LLGL2: variants seen among roughly 807,000 people sequenced by gnomAD.
The protein encoded by LLGL2 is LLGL scribble cell polarity complex component 2, also known as LLGL2, scribble cell polarity complex component.
In LLGL2, 81 loss-of-function variants were observed where a neutral mutation model predicts 123.2. The ratio of observed to expected loss-of-function variants is 0.66; its 90% CI spans 0.55 to 0.79. The LOEUF is 0.79. Among genes scored for constraint, LLGL2 ranks in the 30% least tolerant of loss-of-function variants. The pLI is 0.00. For synonymous variants in LLGL2, 577 were observed against 594.1 expected (o/e 0.97, Z 0.42); for missense variants, 1,273 against 1,414.6 (o/e 0.90, Z 1.61).
intron 2 of LLGL2, among the ~76,000 whole-genome samples, chr17:75,550,172 T>C (rs1225450603): frequency 1.3e-5 from 2 of 152,194 alleles, no homozygotes; most frequent in East Asian, 3.9e-4. Context: ...GGTCTTGGAA[T>C]TCCTTGACCA....
intron 9 of LLGL2, 58 bp downstream of exon 9, chr17:75,563,864 G>T (rs1369041939): frequency 1.3e-6 from 2 of 1,553,686 alleles, no homozygotes; most frequent in Non-Finnish European, 1.8e-6. Context: ...GGCTAGAAAG[G>T]TCACTTAGGC....
At chr17:75,565,745 G>A (rs1413288157) in intron 10 of LLGL2, among the ~76,000 whole-genome samples, 1 of 152,224 alleles carries the variant, frequency 6.6e-6, no homozygotes, top group Non-Finnish European at 1.5e-5. Flanking sequence ...CCGCAGGCCA[G>A]GAGGTGGGTG....
chr17:75,564,879 A>AGG lies in LLGL2; in HGVS notation c.1036+374_1036+375dup, dbSNP rs1555659209. On this transcript the variant is annotated intron_variant, in intron 10 of 25. Coordinates refer to ENST00000392550, the MANE Select transcript of LLGL2 (RefSeq NM_001031803.2). The surrounding 1 kb of genome is among the most constrained non-coding windows in gnomAD (Gnocchi z 4.9). ...CTGTGTCTCAAAAAAAAAAAAAAAA[A>AGG]GGGCTCTGCACAGATGTTCCTAAGC... is the stretch of plus-strand genomic sequence containing the variant. Among the ~76,000 whole-genome samples, 1 of 148,340 alleles carries AGG rather than the reference A, an allele frequency of 6.7e-6. No homozygotes were observed. Among genetic ancestry groups the AGG allele is most frequent in the Non-Finnish European group, 1.5e-5 (1 of 67,094 alleles).
chr17:75,543,819 G>A (rs1310836497), intron 2 of LLGL2, among the ~76,000 whole-genome samples: 2 of 152,204 alleles, frequency 1.3e-5, no homozygotes, highest in South Asian at 2.1e-4. Flanking sequence ...TGTCTACCTC[G>A]GCACAGGGTT....
Position 75,559,244 on chromosome 17 carries a change from T to C in LLGL2, c.372-8T>C. On this transcript the variant is annotated splice_polypyrimidine_tract_variant and splice_region_variant and intron_variant, in intron 5 of 25. Transcript: ENST00000392550. The surrounding 1 kb of genome is among the most constrained non-coding windows in gnomAD (Gnocchi z 4.6). The stretch of plus-strand genomic sequence containing the variant: ...TGGTCGGCTCACGGGCAGCTGTTCT[T>C]GTCACAGGGCTGCCCCCAGTGCCAC... 2.5e-6 allele frequency: 4 copies of C among 1,590,354 alleles called. No homozygotes were observed. Among genetic ancestry groups the C allele is most frequent in the Non-Finnish European group, 3.4e-6 (4 of 1,168,654 alleles).
At chr17:75,535,791 C>A (rs1302622147) in intron 1 of LLGL2, among the ~76,000 whole-genome samples, 1 of 152,182 alleles carries the variant, frequency 6.6e-6, no homozygotes, top group Non-Finnish European at 1.5e-5. Flanking sequence ...GATTTTGTGG[C>A]CTGTCACCAA....
Position 75,574,863 on chromosome 17 carries a change from T to C in LLGL2, c.3056-8T>C. On this transcript the variant is annotated splice_region_variant and splice_polypyrimidine_tract_variant and intron_variant, in intron 25 of 25. Coordinates refer to ENST00000392550, the MANE Select transcript of LLGL2 (RefSeq NM_001031803.2). ...GGTGATCTTGAGCTGTCCCTCTGTGTCCTTCAGCAGAGTGAGTGGCTGAGC... is the reference window on the plus strand; with the variant it reads ...GGTGATCTTGAGCTGTCCCTCTGTGCCCTTCAGCAGAGTGAGTGGCTGAGC... 6.2e-7 allele frequency: 1 copy of C among 1,614,028 alleles called. No individual in the cohort carries two copies. The highest frequency in any genetic ancestry group is 8.5e-7 in the Non-Finnish European group (1 of 1,179,942).
rs1247821190 is a variant in LLGL2 at position 75,556,068 on chromosome 17, A to T, written c.98A>T (p.His33Leu). The T allele has an allele frequency of 6.2e-7, 1 of 1,609,188 alleles. No individual in the cohort carries two copies. The highest frequency in any genetic ancestry group is 1.7e-5 in the Admixed American group (1 of 60,002). ...FNKTVEHGFP[H>L]QPSALGYSPS... ...CAGACGGTGGAGCATGGCTTCCCGC[A>T]CCAGCCCAGCGCCCTCGGCTACAGC... The change falls in exon 3 of 26, where the codon CAC becomes CTC. Residue 33 changes from histidine to leucine, a missense_variant. Transcript: ENST00000392550.
At chr17:75,569,384 C>A in intron 14 of LLGL2, 59 bp downstream of exon 14, 1 of 1,401,156 alleles carries the variant, frequency 7.1e-7, no homozygotes, top group Non-Finnish European at 1.0e-6. Flanking sequence ...CTGGGGACAG[C>A]AGGGACAGGA....
chr17:75,550,389 C>T (rs2054611645), intron 2 of LLGL2, among the ~76,000 whole-genome samples: 1 of 151,278 alleles, frequency 6.6e-6, no homozygotes. Flanking sequence ...GGAGTCACCA[C>T]CTAAGTGATA....
rs1038680434 is a variant in LLGL2 at position 75,559,178 on chromosome 17, A to T, written c.372-74A>T. 3 of 1,444,388 alleles carry T rather than the reference A, an allele frequency of 2.1e-6. No homozygotes were observed. In the African/African-American group the frequency reaches 4.3e-5, roughly 21 times the overall value. 89.5% of individuals were successfully genotyped at this position (1,444,388 alleles called of 1,614,324 possible). A position where few individuals can be genotyped will look rare whatever the true frequency, so the allele number is the denominator to read the frequency against. On this transcript the variant is annotated intron_variant, in intron 5 of 25. Coordinates refer to ENST00000392550, the MANE Select transcript of LLGL2 (RefSeq NM_001031803.2). The surrounding 1 kb of genome is among the most constrained non-coding windows in gnomAD (Gnocchi z 4.6). The stretch of plus-strand genomic sequence containing the variant: ...GGCCTTATGGGCTTGTTTTCCGAGG[A>T]GTCAGGGGACCCCGTCCATGGCATC...
At position 75,549,821 on chromosome 17, in the gene LLGL2, C is replaced by T. The variant is rs2054586124; in HGVS notation, c.76-6225C>T. ...GCAGGCAGGATGAAGGCCCCACTGT[C>T]TCTGACAGCCAGCCTTTGCCCACTC... On this transcript the variant is annotated intron_variant, in intron 2 of 25. Transcript: ENST00000392550. This position sits in a 1 kb window ranked among gnomAD's most constrained non-coding sequence, Gnocchi z 4.0. Among the ~76,000 whole-genome samples the T allele has an allele frequency of 6.6e-6, 1 of 152,212 alleles. No homozygotes were observed. The highest frequency in any genetic ancestry group is 2.1e-4 in the South Asian group (1 of 4,834).
Position 75,575,006 on chromosome 17 carries a change from A to C in LLGL2, c.*128A>C. 7.5e-7 allele frequency: 1 copy of C among 1,336,430 alleles called. No homozygotes were observed. The highest frequency in any genetic ancestry group is 2.3e-5 in the East Asian group (1 of 43,472). The allele number at this position is 1,336,430 out of a possible 1,614,324, so 82.8% of individuals were successfully genotyped here. ...GGGCTGGGGGCATCCCGGCTTCCAC[A>C]ATGCAGCTGCTCTGGGCCTCGGGAG... On this transcript the variant is annotated 3_prime_UTR_variant, in exon 26 of 26. Coordinates refer to ENST00000392550, the MANE Select transcript of LLGL2 (RefSeq NM_001031803.2).
Position 75,558,980 on chromosome 17 carries a change from C to T in LLGL2, c.372-272C>T. 1 of 545,942 alleles carries T rather than the reference C, an allele frequency of 1.8e-6. No individual in the cohort carries two copies. The highest frequency in any genetic ancestry group is 3.3e-6 in the Non-Finnish European group (1 of 304,624). 33.8% of individuals were successfully genotyped at this position (545,942 alleles called of 1,614,324 possible). The stretch of plus-strand genomic sequence containing the variant: ...ATCCGCACCCCGCCTCCTCCATCCG[C>T]ACCCCGCCTCCTCCATCTGCACCCC... On this transcript the variant is annotated intron_variant, in intron 5 of 25. Transcript: ENST00000392550. This position sits in a 1 kb window ranked among gnomAD's most constrained non-coding sequence, Gnocchi z 4.0.
intron 1 of LLGL2, among the ~76,000 whole-genome samples, chr17:75,537,055 T>A (rs2054029389): frequency 6.6e-6 from 1 of 152,088 alleles, no homozygotes; most frequent in Non-Finnish European, 1.5e-5. Context: ...ACTCCTGACC[T>A]CAAGTGATCC....
At position 75,572,012 on chromosome 17, in the gene LLGL2, C is replaced by T; in HGVS notation, c.2408C>T (p.Pro803Leu). 1.2e-6 allele frequency: 2 copies of T among 1,612,708 alleles called. No individual in the cohort carries two copies. Among genetic ancestry groups the T allele is most frequent in the South Asian group, 2.2e-5 (2 of 91,084 alleles). Residue 803 changes from proline (P) to leucine (L), a missense_variant, in exon 19 of 26, where the codon CCT (proline) becomes CTT (leucine). Transcript: ENST00000392550. ...LEVAHDLSKSPDMQGSHQLLV... is the reference protein window; with the variant it reads ...LEVAHDLSKSLDMQGSHQLLV... The stretch of plus-strand genomic sequence containing the variant: ...GTGGCCCATGATCTGTCGAAGAGCC[C>T]TGACATGCAGGGAAGCCACCAGCTG...
chr17:75,557,965 CTGG>C (rs1568049421), intron 3 of LLGL2, 187 bp from the exon 4 acceptor site: 1 of 704,078 alleles, frequency 1.4e-6, no homozygotes, highest in African/African-American at 1.8e-5. Context: ...GGTCACTGGC[CTGG>C]TGCCCCAGGG....
At chr17:75,543,607 C>T in intron 2 of LLGL2, 106 bp downstream of exon 2, 1 of 780,058 alleles carries the variant, frequency 1.3e-6, no homozygotes, top group Non-Finnish European at 2.0e-6. Flanking sequence ...TCTTATGTGA[C>T]TGCCTGCAGT....
chr17:75,572,250 A>G (rs2055749148), intron 19 of LLGL2, among the ~76,000 whole-genome samples, 186 bp downstream of exon 19: 1 of 152,154 alleles, frequency 6.6e-6, no homozygotes, highest in African/African-American at 2.4e-5. Context: ...ACAGGGGGCC[A>G]GGCGCGGTGA....
Sources: allele counts gnomAD v4.1 joint callset (sites outside exome capture counted in the v4.1 genomes callset), GRCh38; gene constraint gnomAD v4.1.1; non-coding constraint Gnocchi (gnomAD v3.1); transcripts MANE v1.5; gene names NCBI Gene and HGNC (gene_info 2026-07-23, HGNC 2026-07-21).